The following SPOCK2 variants were observed in gnomAD, a reference collection of about 807,000 sequenced individuals.
SPOCK2 encodes the protein testican-2.
SPOCK2 carries 39 observed loss-of-function variants against 60.1 expected under a neutral mutation model. The observed-to-expected ratio is 0.65, with a 90% CI of 0.50 to 0.85. SPOCK2 has a LOEUF of 0.85. Among genes scored for constraint, SPOCK2 ranks in the 40% least tolerant of loss-of-function variants. The pLI, the probability that SPOCK2 is intolerant of heterozygous loss-of-function variation, is 0.00. For synonymous variants in SPOCK2, 217 were observed against 231.5 expected (o/e 0.94, Z 0.57); for missense variants, 523 against 567.4 (o/e 0.92, Z 0.80).
intron 4 of SPOCK2, among the ~76,000 whole-genome samples, chr10:72,071,533 C>T (rs1840647333): frequency 6.6e-6 from 1 of 152,190 alleles, no homozygotes; most frequent in South Asian, 2.1e-4. Flanking sequence ...TTCTCCTCTG[C>T]AAGCTACAAC....
intron 1 of SPOCK2, among the ~76,000 whole-genome samples, chr10:72,074,598 C>T (rs546101410): frequency 6.6e-6 from 1 of 152,328 alleles, no homozygotes; most frequent in East Asian, 1.9e-4. Flanking sequence ...TATCCAGAAA[C>T]GAGGTAACAA....
intron 7 of SPOCK2, among the ~76,000 whole-genome samples, chr10:72,067,346 G>T (rs1362377117): frequency 1.3e-5 from 2 of 152,140 alleles, no homozygotes; most frequent in Non-Finnish European, 2.9e-5. Flanking sequence ...AGCCCTGCAG[G>T]GAAAAGAATT....
At chr10:72,086,609 C>T (rs574858503) in intron 1 of SPOCK2, 77 of 1,194,824 alleles carry the variant, frequency 6.4e-5, no homozygotes, top group Admixed American at 3.4e-4. Flanking sequence ...GGCTCATCTG[C>T]GCTGGGCCTG....
In SPOCK2 at chr10:72,087,990, A is replaced by C; in HGVS notation, c.189+150T>G. The C allele has an allele frequency of 5.2e-6, 5 of 967,786 alleles. No individual in the cohort carries two copies. The highest frequency in any genetic ancestry group is 5.9e-6 in the Non-Finnish European group (4 of 677,922). 59.9% of individuals were successfully genotyped at this position (967,786 alleles called of 1,614,324 possible). A position where few individuals can be genotyped will look rare whatever the true frequency, so the allele number is the denominator to read the frequency against. On this transcript the variant is annotated intron_variant, in intron 1 of 10. Transcript: ENST00000373109. This position sits in a 1 kb window ranked among gnomAD's most constrained non-coding sequence, Gnocchi z 4.7. Reference sequence around the variant, plus strand: ...GACAGGGGAGGGGCGCTGGGCTGTGACCCCCAGTACTGTTTACTTTCCGTG... The same window carrying C: ...GACAGGGGAGGGGCGCTGGGCTGTGCCCCCCAGTACTGTTTACTTTCCGTG...
intron 8 of SPOCK2, among the ~76,000 whole-genome samples, chr10:72,065,535 A>C (rs1840556656): frequency 6.6e-6 from 1 of 152,226 alleles, no homozygotes; most frequent in Non-Finnish European, 1.5e-5. Context: ...CATTTCTCAG[A>C]ATGTATCCCC....
At chr10:72,073,359 C>T (rs1409692296) in intron 1 of SPOCK2, among the ~76,000 whole-genome samples, 1 of 152,232 alleles carries the variant, frequency 6.6e-6, no homozygotes, top group Non-Finnish European at 1.5e-5. Flanking sequence ...GACCTCTGCC[C>T]ACCATGTGAG....
intron 9 of SPOCK2, 66 bp downstream of exon 9, chr10:72,064,112 G>A: frequency 3.2e-6 from 5 of 1,576,030 alleles, no homozygotes; most frequent in Non-Finnish European, 4.3e-6. Context: ...TGGAGGCCCT[G>A]GGTCTCAGAC....
rs368465155 is a variant in SPOCK2 at position 72,066,982 on chromosome 10, C to T, written c.848G>A (p.Arg283His). The stretch of plus-strand genomic sequence containing the variant: ...GGTGTCACAGGAGTTGAAGAAGGGA[C>T]GGATGCAGACCTCGTACTTGTCCAG... ...INLDKYEVCI[R>H]PFFNSCDTYK... The change falls in exon 8 of 11, where the codon CGT becomes CAT. Residue 283 changes from arginine (R) to histidine (H), a missense_variant. Arg to His is a conservative substitution (Grantham distance 29, BLOSUM62 0). Transcript: ENST00000373109. 73 of 1,614,194 alleles carry T rather than the reference C, an allele frequency of 4.5e-5. No homozygotes were observed. The highest frequency in any genetic ancestry group is 1.9e-4 in the African/African-American group (14 of 75,040).
chr10:72,086,915 G>A (rs1554822178), intron 1 of SPOCK2: 1 of 1,551,600 alleles, frequency 6.4e-7, no homozygotes, highest in East Asian at 2.4e-5. Flanking sequence ...GGAACTTGTG[G>A]ATGCACGCAG....
chr10:72,079,781 T>A (rs547968146), intron 1 of SPOCK2, among the ~76,000 whole-genome samples: 1 of 151,992 alleles, frequency 6.6e-6, no homozygotes, highest in Non-Finnish European at 1.5e-5. Context: ...TCCACCTGCT[T>A]CTTTGCAGCA....
In SPOCK2 at chr10:72,088,257, G is replaced by A. The variant is rs1402770469; in HGVS notation, c.72C>T (p.Gly24=). ...LLLAAAALAE[G]DAKGLKEGET... is the part of the protein sequence containing the mutation. The stretch of plus-strand genomic sequence containing the variant: ...CGCCCTCCTTGAGCCCCTTGGCGTC[G>A]CCTTCGGCCAGGGCTGCCGCGGCCA... The change falls in exon 1 of 11, where the codon GGC becomes GGT. Residue 24 remains glycine, a synonymous_variant. Transcript: ENST00000373109. 1 of 1,609,268 alleles carries A rather than the reference G, an allele frequency of 6.2e-7. No individual in the cohort carries two copies. Among genetic ancestry groups the A allele is most frequent in the East Asian group, 2.2e-5 (1 of 44,782 alleles).
intron 1 of SPOCK2, among the ~76,000 whole-genome samples, chr10:72,079,820 C>A (rs1178702248): frequency 1.3e-5 from 2 of 152,066 alleles, no homozygotes; most frequent in East Asian, 1.9e-4. Flanking sequence ...TCACCCCCTA[C>A]ACCCCTCACC....
intron 1 of SPOCK2, among the ~76,000 whole-genome samples, chr10:72,073,903 G>A (rs1014913434): frequency 1.3e-5 from 2 of 152,226 alleles, no homozygotes; most frequent in Admixed American, 6.5e-5. Context: ...CACTCCTGGT[G>A]GAAACTCTGC....
rs764985055 is a variant in SPOCK2 at position 72,088,287 on chromosome 10, C to T, written c.42G>A (p.Leu14=). The change falls in exon 1 of 11, where the codon CTG becomes CTA. Residue 14 remains leucine, a synonymous_variant. Transcript: ENST00000373109. ...CGGCCAGGGCTGCCGCGGCCAGGAG[C>T]AGCAGCGGCAGCACCAGCCGCCCGC... ...PGCGRLVLPL[L]LLAAAALAEG... is the part of the protein sequence containing the mutation. 14 of 1,599,878 alleles carry T rather than the reference C, an allele frequency of 8.8e-6. No homozygotes were observed. The highest frequency in any genetic ancestry group is 4.4e-4 in the Middle Eastern group (2 of 4,534).
intron 5 of SPOCK2, among the ~76,000 whole-genome samples, chr10:72,069,841 T>G (rs537606308): frequency 6.6e-6 from 1 of 152,332 alleles, no homozygotes; most frequent in African/African-American, 2.4e-5. Flanking sequence ...ATTCTCCCAA[T>G]CGGTTCCTTC....
At chr10:72,068,601 A>T (rs1589119468) in intron 5 of SPOCK2, 1 of 319,398 alleles carries the variant, frequency 3.1e-6, no homozygotes, top group Non-Finnish European at 5.4e-6. Context: ...TGCCCCTGTC[A>T]CCCCTCCCCT....
Position 72,062,537 on chromosome 10 carries a change from CCACACA to C in SPOCK2, c.*217_*222del. ...TCAAGGACACATTTGTCAGCGCATGCCACACACACACACACATACACACATGCATGC... is the reference window on the plus strand; with the variant it reads ...TCAAGGACACATTTGTCAGCGCATGCCACACACACATACACACATGCATGC... On this transcript the variant is annotated 3_prime_UTR_variant, in exon 11 of 11. Coordinates refer to ENST00000373109, the MANE Select transcript of SPOCK2 (RefSeq NM_001244950.2). The surrounding 1 kb of genome is among the most constrained non-coding windows in gnomAD (Gnocchi z 4.3). 1.3e-6 allele frequency: 1 copy of C among 752,962 alleles called. No individual in the cohort carries two copies. Among genetic ancestry groups the C allele is most frequent in the Non-Finnish European group, 2.0e-6 (1 of 505,900 alleles). 46.6% of individuals were successfully genotyped at this position (752,962 alleles called of 1,614,324 possible).
chr10:72,063,162 C>T lies in SPOCK2; in HGVS notation c.992G>A (p.Gly331Asp). The part of the protein sequence containing the change: ...QIQEAAKKKP[G>D]IFIPSCDEDG... The stretch of plus-strand genomic sequence containing the variant: ...CTCGTCGCAGCTCGGGATGAAGATG[C>T]CTGAATGAGACAGTGCCAGGCAGGG... Residue 331 changes from glycine (G) to aspartate (D), a missense_variant and splice_region_variant, in exon 10 of 11, where the codon GGC becomes GAC. By Grantham distance (94) the Gly-to-Asp change is moderately conservative (BLOSUM62 -1). Coordinates refer to ENST00000373109, the MANE Select transcript of SPOCK2 (RefSeq NM_001244950.2). The T allele has an allele frequency of 3.9e-6, 6 of 1,556,374 alleles. No homozygotes were observed. Among genetic ancestry groups the T allele is most frequent in the Non-Finnish European group, 5.2e-6 (6 of 1,149,624 alleles).
rs568747490 is a variant in SPOCK2 at position 72,079,541 on chromosome 10, G to A, written c.190-6631C>T. On this transcript the variant is annotated intron_variant, in intron 1 of 10. Coordinates refer to ENST00000373109, the MANE Select transcript of SPOCK2 (RefSeq NM_001244950.2). ...ACGGTGCCCACTGAGCCAAGCTGGG[G>A]GAGACAGCAGTGAGTGCGCAGGCCT... Among the ~76,000 whole-genome samples, 5 of 152,348 alleles carry A rather than the reference G, an allele frequency of 3.3e-5. No homozygotes were observed. In the South Asian group the frequency reaches 1.0e-3, roughly 32 times the overall value.
Sources: gnomAD v4.1 joint callset for allele counts (sites outside exome capture counted in the v4.1 genomes callset) on GRCh38, gnomAD v4.1.1 for gene constraint, Gnocchi (gnomAD v3.1) non-coding constraint, MANE v1.5 for transcripts, NCBI Gene and HGNC (gene_info 2026-07-23, HGNC 2026-07-21) for gene names.